The following GGH variants were observed in gnomAD, a reference collection of about 807,000 sequenced individuals.
GGH encodes the protein gamma-glutamyl hydrolase.
Under a neutral mutation model 39.2 loss-of-function variants are expected in GGH, and 18 were observed. That is an observed-to-expected ratio of 0.46 (90% CI 0.32 to 0.68). GGH has a LOEUF of 0.68. Among genes scored for constraint, GGH ranks in the 30% least tolerant of loss-of-function variants. GGH has a pLI of 0.04. For synonymous variants in GGH, 147 were observed against 138.8 expected (o/e 1.06, Z -0.42); for missense variants, 367 against 384.1 (o/e 0.96, Z 0.37).
chr8:63,027,945 A>G (rs1804727996), intron 3 of GGH, among the ~76,000 whole-genome samples: 1 of 152,214 alleles, frequency 6.6e-6, no homozygotes, highest in Non-Finnish European at 1.5e-5. Flanking sequence ...AACTTTTAAA[A>G]TTAAACTTTA....
In GGH at chr8:63,038,779, G is replaced by A. The variant is rs1040205937; in HGVS notation, c.-11C>T. The A allele has an allele frequency of 1.2e-5, 18 of 1,465,954 alleles. No homozygotes were observed. The African/African-American group carries it at 2.0e-4, about 17-fold the overall frequency. 90.8% of individuals were successfully genotyped at this position (1,465,954 alleles called of 1,614,324 possible). On this transcript the variant is annotated 5_prime_UTR_variant, in exon 1 of 9. Coordinates refer to ENST00000260118, the MANE Select transcript of GGH (RefSeq NM_003878.3). The stretch of plus-strand genomic sequence containing the variant: ...GCCCGGACTGGCCATGGCGCTCGCC[G>A]CCTCCCGCCGCCTTTCAAAAGCTCT...
Position 63,038,758 on chromosome 8 carries a change from G to A in GGH, c.11C>T (p.Pro4Leu), listed in dbSNP as rs1292291793. Residue 4 changes from proline (P) to leucine (L), a missense_variant, in exon 1 of 9, where the codon CCG becomes CTG. Pro to Leu is a moderately conservative substitution (Grantham distance 98, BLOSUM62 -3). Coordinates refer to ENST00000260118, the MANE Select transcript of GGH (RefSeq NM_003878.3). ...GCCCAGCACGCACAGCAGGCAGCCC[G>A]GACTGGCCATGGCGCTCGCCGCCTC... MAS[P>L]GCLLCVLGLL... 6.4e-7 allele frequency: 1 copy of A among 1,559,604 alleles called. No homozygotes were observed. Among genetic ancestry groups the A allele is most frequent in the Non-Finnish European group, 8.6e-7 (1 of 1,156,298 alleles).
At chr8:63,019,882 T>C (rs529402155) in intron 7 of GGH, among the ~76,000 whole-genome samples, 4 of 152,152 alleles carry the variant, frequency 2.6e-5, no homozygotes, top group Non-Finnish European at 5.9e-5. Context: ...CTTAAAAAAA[T>C]CTTTAAAGGG....
At chr8:63,031,931 A>G (rs1415750543) in intron 2 of GGH, among the ~76,000 whole-genome samples, 1 of 152,248 alleles carries the variant, frequency 6.6e-6, no homozygotes, top group East Asian at 1.9e-4. Context: ...AAAGGATGGT[A>G]AGGCATTGTT....
At chr8:63,020,369 C>T (rs1014816916) in intron 7 of GGH, among the ~76,000 whole-genome samples, 1 of 152,172 alleles carries the variant, frequency 6.6e-6, no homozygotes, top group Admixed American at 6.5e-5. Flanking sequence ...AATATTCTAT[C>T]ATTTAAATAA....
chr8:63,029,649 G>A (rs1804765889), intron 3 of GGH, among the ~76,000 whole-genome samples: 1 of 152,052 alleles, frequency 6.6e-6, no homozygotes, highest in South Asian at 2.1e-4. Flanking sequence ...TAAAGTATGA[G>A]CACACTTGTT....
chr8:63,020,899 T>C (rs368560275), intron 7 of GGH, among the ~76,000 whole-genome samples: 26 of 152,254 alleles, frequency 1.7e-4, no homozygotes, highest in African/African-American at 6.0e-4. Context: ...AAGATGGGTT[T>C]GTGGAAGCCT....
At chr8:63,016,905 T>C (rs955300336) in intron 8 of GGH, among the ~76,000 whole-genome samples, 1 of 152,198 alleles carries the variant, frequency 6.6e-6, no homozygotes, top group Non-Finnish European at 1.5e-5. Context: ...AATCACAAAC[T>C]GGTGGGTATA....
intron 7 of GGH, chr8:63,023,681 C>A: frequency 3.2e-6 from 1 of 311,054 alleles, no homozygotes; most frequent in Non-Finnish European, 5.9e-6. Flanking sequence ...TCATCCTTGC[C>A]CCCTTTATTC....
At chr8:63,032,028 G>C (rs565028052) in intron 2 of GGH, among the ~76,000 whole-genome samples, 11 of 152,204 alleles carry the variant, frequency 7.2e-5, no homozygotes, top group African/African-American at 2.6e-4. Flanking sequence ...TATAAAGTTT[G>C]ATTTGTGGTC....
intron 1 of GGH, among the ~76,000 whole-genome samples, chr8:63,036,527 T>C (rs567473013): frequency 2.0e-5 from 3 of 152,190 alleles, no homozygotes; most frequent in South Asian, 4.2e-4. Context: ...TATAGAGTGA[T>C]GGCTGGTCGT....
chr8:63,030,776 G>A (rs1247433703), intron 2 of GGH, among the ~76,000 whole-genome samples: 1 of 152,060 alleles, frequency 6.6e-6, no homozygotes, highest in East Asian at 1.9e-4. Flanking sequence ...AGAGATGACT[G>A]TAGAACAGCC....
chr8:63,020,014 G>C (rs1804559009), intron 7 of GGH, among the ~76,000 whole-genome samples: 1 of 152,188 alleles, frequency 6.6e-6, no homozygotes, highest in Non-Finnish European at 1.5e-5. Flanking sequence ...TCTTAAACTT[G>C]ATAGAGCTTA....
At chr8:63,018,121 T>C (rs1032682244) in intron 7 of GGH, among the ~76,000 whole-genome samples, 4 of 152,314 alleles carry the variant, frequency 2.6e-5, no homozygotes, top group Admixed American at 2.6e-4. Flanking sequence ...CTGATGACTT[T>C]GTGGTATAAA....
At chr8:63,018,636 C>T (rs1019680708) in intron 7 of GGH, among the ~76,000 whole-genome samples, 3 of 152,180 alleles carry the variant, frequency 2.0e-5, no homozygotes, top group African/African-American at 7.2e-5. Context: ...CCCCCACTTC[C>T]GTGTGACACT....
intron 3 of GGH, among the ~76,000 whole-genome samples, chr8:63,027,576 G>A (rs1228552710): frequency 6.6e-6 from 1 of 152,086 alleles, no homozygotes; most frequent in Admixed American, 6.6e-5. Context: ...CACAGAGCTA[G>A]ACATCAAAGA....
At chr8:63,030,332 CAATA>C in intron 2 of GGH, 115 bp from the exon 3 acceptor site, 1 of 603,472 alleles carries the variant, frequency 1.7e-6, no homozygotes, top group Non-Finnish European at 3.0e-6. Context: ...AATTACTAGA[CAATA>C]TTACCTCTCT....
chr8:63,028,257 A>G (rs1172180791), intron 3 of GGH: 2 of 152,122 alleles, frequency 1.3e-5, no homozygotes, highest in East Asian at 3.9e-4. Context: ...AGAAAATCCA[A>G]CAATTAAAAG....
chr8:63,023,469 T>C (rs948952166), intron 7 of GGH: 14 of 152,960 alleles, frequency 9.2e-5, no homozygotes, highest in African/African-American at 3.1e-4. Context: ...CCTGATTCCA[T>C]AATAACACTG....
Sources: gnomAD v4.1 joint callset for allele counts (sites outside exome capture counted in the v4.1 genomes callset) on GRCh38, gnomAD v4.1.1 for gene constraint, MANE v1.5 for transcripts, NCBI Gene and HGNC (gene_info 2026-07-23, HGNC 2026-07-21) for gene names.